MICAL3: variants seen among roughly 807,000 people sequenced by gnomAD.
MICAL3 encodes the protein microtubule associated monooxygenase, calponin and LIM domain containing 3.
MICAL3 carries 62 observed loss-of-function variants against 207.4 expected under a neutral mutation model. The observed-to-expected ratio is 0.30, with a 90% CI of 0.24 to 0.37. The LOEUF is 0.37. Among genes scored for constraint, MICAL3 ranks in the 10% least tolerant of loss-of-function variants. MICAL3 has a pLI of 1.00. For synonymous variants in MICAL3, 1,077 were observed against 1,069.3 expected, an observed-to-expected ratio of 1.01 and a Z score of -0.14; for missense variants, 2,368 against 2,635.6, an observed-to-expected ratio of 0.90 and a Z score of 2.22.
chr22:17,978,577 A>G (rs894146132), intron 1 of MICAL3, among the ~76,000 whole-genome samples: 6 of 151,716 alleles, frequency 4.0e-5, no homozygotes, highest in African/African-American at 1.5e-4. Flanking sequence ...GCAGTGGCAC[A>G]ATCTCAGCTC....
chr22:17,948,151 A>C (rs1934162801), intron 1 of MICAL3, among the ~76,000 whole-genome samples: 1 of 152,100 alleles, frequency 6.6e-6, no homozygotes, highest in Non-Finnish European at 1.5e-5. Context: ...AAAAGAAATC[A>C]CACTGCAGTC....
chr22:17,977,257 T>C (rs1013157742), intron 1 of MICAL3, among the ~76,000 whole-genome samples: 40 of 152,090 alleles, frequency 2.6e-4, no homozygotes, highest in Admixed American at 7.2e-4. Context: ...AAAACACACC[T>C]ACAGAATAGG....
At chr22:17,939,330 A>G (rs1880473823) in intron 1 of MICAL3, among the ~76,000 whole-genome samples, 2 of 152,256 alleles carry the variant, frequency 1.3e-5, no homozygotes, top group South Asian at 4.1e-4. Flanking sequence ...AAAACAGACC[A>G]AGACAAAGTG....
intron 16 of MICAL3, chr22:17,881,314 A>G (rs1428029220): frequency 1.9e-6 from 3 of 1,584,274 alleles, no homozygotes; most frequent in Non-Finnish European, 2.6e-6. Flanking sequence ...CTTTTACACC[A>G]ACAGACACAA....
At chr22:17,951,133 T>C (rs1934329613) in intron 1 of MICAL3, among the ~76,000 whole-genome samples, 1 of 152,182 alleles carries the variant, frequency 6.6e-6, no homozygotes, top group African/African-American at 2.4e-5. Context: ...GCACTGCCCT[T>C]ACTCAACAAG....
At chr22:17,847,859 C>A (rs552519127) in intron 19 of MICAL3, among the ~76,000 whole-genome samples, 23 of 152,298 alleles carry the variant, frequency 1.5e-4, no homozygotes, top group Admixed American at 3.3e-4. Context: ...GGAATAGGGT[C>A]TCGCTATGTT....
intron 1 of MICAL3, among the ~76,000 whole-genome samples, chr22:17,967,784 C>T (rs563080146): frequency 2.0e-5 from 3 of 152,280 alleles, no homozygotes; most frequent in African/African-American, 7.2e-5. Flanking sequence ...TGGTGGCTCA[C>T]GCCTGTAATC....
At chr22:17,861,429 C>T (rs759598143) in intron 19 of MICAL3, 134 of 985,316 alleles carry the variant, frequency 1.4e-4, no homozygotes, top group Non-Finnish European at 1.3e-4. Context: ...GTAATGAACC[C>T]GGTGATGAGC....
At chr22:17,821,337 C>T in intron 25 of MICAL3, 90 bp downstream of exon 25, 1 of 1,188,544 alleles carries the variant, frequency 8.4e-7, no homozygotes, top group Non-Finnish European at 1.2e-6. Context: ...TGGTGGGACC[C>T]ACACCATGGG....
chr22:17,810,990 G>C (rs1266804011), intron 27 of MICAL3, 177 bp from the exon 28 acceptor site: 1 of 575,598 alleles, frequency 1.7e-6, no homozygotes, highest in Admixed American at 2.8e-5. Flanking sequence ...GGTGCTGATA[G>C]GCAGAAGGCA....
intron 21 of MICAL3, among the ~76,000 whole-genome samples, chr22:17,829,098 AGTTGCTGGTCTCTATAGAT>A (rs1213912189): frequency 2.0e-5 from 3 of 149,284 alleles, no homozygotes; most frequent in Non-Finnish European, 4.4e-5. Context: ...CCCTTGTTGG[AGTTGCTGGTCTCTATAGAT>A]GTTGCTGGTC....
intron 1 of MICAL3, among the ~76,000 whole-genome samples, chr22:17,936,598 C>T (rs988176011): frequency 2.0e-5 from 3 of 150,806 alleles, no homozygotes; most frequent in Admixed American, 2.0e-4. Context: ...AAGAAACTTT[C>T]TGAGATAACA....
chr22:17,938,754 T>C (rs1192911864), intron 1 of MICAL3, among the ~76,000 whole-genome samples: 2 of 152,146 alleles, frequency 1.3e-5, no homozygotes, highest in African/African-American at 2.4e-5. Context: ...TCCACACCAG[T>C]GCTCCTGGCT....
chr22:17,988,117 G>A (rs1451193220), intron 1 of MICAL3, among the ~76,000 whole-genome samples: 3 of 152,088 alleles, frequency 2.0e-5, no homozygotes, highest in African/African-American at 4.8e-5. Context: ...GGAAGTCTGC[G>A]AGCATCCGAT....
chr22:17,939,091 T>C (rs1024452371), intron 1 of MICAL3, among the ~76,000 whole-genome samples: 2 of 152,132 alleles, frequency 1.3e-5, no homozygotes, highest in African/African-American at 2.4e-5. Flanking sequence ...TGGGTTATCA[T>C]GGGAGTGGGA....
chr22:17,957,748 G>C (rs1934700424), intron 1 of MICAL3, among the ~76,000 whole-genome samples: 1 of 150,146 alleles, frequency 6.7e-6, no homozygotes, highest in East Asian at 2.0e-4. Flanking sequence ...GAAAACGAGA[G>C]AGAGAGAGAG....
chr22:17,866,107 A>G, intron 17 of MICAL3, 95 bp from the exon 18 acceptor site: 1 of 932,048 alleles, frequency 1.1e-6, no homozygotes, highest in Non-Finnish European at 1.7e-6. Context: ...CATCTCCTCC[A>G]GCCTCACAAG....
In MICAL3 at chr22:17,866,207, T is replaced by C. The variant is rs193178928; in HGVS notation, c.2429-195A>G. On this transcript the variant is annotated intron_variant, in intron 17 of 31. Transcript: ENST00000441493. ...GTAAACTTTGATTCTAGCTCTCCTC[T>C]CCCTTGGCCTGAAGGGGGTCTTTTC... Among the ~76,000 whole-genome samples the C allele has an allele frequency of 4.8e-3, 731 of 152,220 alleles. 4 individuals are homozygous for C. Among genetic ancestry groups the C allele is most frequent in the African/African-American group, 0.017 (703 of 41,536 alleles).
intron 1 of MICAL3, among the ~76,000 whole-genome samples, chr22:17,917,673 C>T (rs1404440591): frequency 6.6e-6 from 1 of 152,208 alleles, no homozygotes; most frequent in Non-Finnish European, 1.5e-5. Flanking sequence ...TCCCCAACAC[C>T]CTTAGGCCCA....
Sources: gnomAD v4.1 joint callset for allele counts (sites outside exome capture counted in the v4.1 genomes callset) on GRCh38, gnomAD v4.1.1 for gene constraint, MANE v1.5 for transcripts, NCBI Gene and HGNC (gene_info 2026-07-23, HGNC 2026-07-21) for gene names.